The following INVS variants were observed in gnomAD, a reference collection of about 807,000 sequenced individuals.
INVS encodes inversion of embryo turning homolog.
INVS carries 86 observed loss-of-function variants against 108.8 expected under a neutral mutation model. The ratio of observed to expected loss-of-function variants is 0.79; its 90% CI spans 0.66 to 0.95. The LOEUF (loss-of-function observed/expected upper bound fraction) is 0.95, where lower values mean the gene tolerates loss of function less well. Among genes scored for constraint, INVS ranks in the 40% least tolerant of loss-of-function variants. The pLI is 0.00. For synonymous variants in INVS, 455 were observed against 473.5 expected, an observed-to-expected ratio of 0.96 and a Z score of 0.51; for missense variants, 1,169 against 1,297.4, an observed-to-expected ratio of 0.90 and a Z score of 1.52.
intron 3 of INVS, among the ~76,000 whole-genome samples, chr9:100,186,905 G>A (rs1457520284): frequency 6.6e-6 from 1 of 151,768 alleles, no homozygotes; most frequent in Non-Finnish European, 1.5e-5. Context: ...AATTTGCTTT[G>A]GGGGGTCTTA....
At chr9:100,267,745 G>A (rs1832836426) in intron 11 of INVS, among the ~76,000 whole-genome samples, 1 of 152,148 alleles carries the variant, frequency 6.6e-6, no homozygotes, top group African/African-American at 2.4e-5. Context: ...TGTGTTTTAT[G>A]ATCACACTTG....
At chr9:100,203,364 G>A (rs1380580170) in intron 3 of INVS, among the ~76,000 whole-genome samples, 1 of 151,718 alleles carries the variant, frequency 6.6e-6, no homozygotes, top group Non-Finnish European at 1.5e-5. Flanking sequence ...CTTTGTCTTT[G>A]TGAACATTTT....
At chr9:100,183,195 A>G (rs1453895281) in intron 3 of INVS, among the ~76,000 whole-genome samples, 1 of 152,134 alleles carries the variant, frequency 6.6e-6, no homozygotes, top group Non-Finnish European at 1.5e-5. Context: ...GATGGGTGCA[A>G]CAAACCACCA....
intron 8 of INVS, among the ~76,000 whole-genome samples, chr9:100,247,307 A>G (rs1178932975): frequency 1.3e-5 from 2 of 152,142 alleles, no homozygotes; most frequent in Non-Finnish European, 2.9e-5. Flanking sequence ...AAAGCTTCAA[A>G]TCAACCTTGC....
rs1355227708 is a variant in INVS at position 100,100,910 on chromosome 9, T to TA, written c.-25+1495dup. On this transcript the variant is annotated intron_variant, in intron 1 of 16. Transcript: ENST00000262457. ...ATAATATATATTATATATGTATATA[T>TA]ATTATATGTATATATATAATATATA... Among the ~76,000 whole-genome samples the TA allele has an allele frequency of 2.5e-4, 12 of 48,428 alleles. 1 individual carries two copies. Among genetic ancestry groups the TA allele is most frequent in the African/African-American group, 1.5e-3 (11 of 7,362 alleles). 31.8% of individuals were successfully genotyped at this position (48,428 alleles called of 152,430 possible).
chr9:100,189,773 T>C (rs892848218), intron 3 of INVS, among the ~76,000 whole-genome samples: 10 of 152,120 alleles, frequency 6.6e-5, no homozygotes, highest in Admixed American at 6.5e-4. Context: ...TTTTTTTTAA[T>C]AGACGGGGGT....
In INVS at chr9:100,229,837, A is replaced by G. The variant is rs752995282; in HGVS notation, c.615+10A>G. The G allele has an allele frequency of 3.7e-6, 6 of 1,613,672 alleles. No homozygotes were observed. In the Admixed American group the frequency reaches 5.0e-5, roughly 13 times the overall value. On this transcript the variant is annotated intron_variant, in intron 5 of 16. Coordinates refer to ENST00000262457, the MANE Select transcript of INVS (RefSeq NM_014425.5). ...AGTGAGATGCATTCTGGTGAGTTGA[A>G]TGGTACTGCTAGACCTGAATGGCCT...
chr9:100,220,821 A>ACCTGATTT, intron 3 of INVS, among the ~76,000 whole-genome samples: 1 of 152,190 alleles, frequency 6.6e-6, no homozygotes, highest in African/African-American at 2.4e-5. Flanking sequence ...ACATGGTGAA[A>ACCTGATTT]CCTGATTTAC....
chr9:100,208,345 T>C (rs892424392), intron 3 of INVS, among the ~76,000 whole-genome samples: 3 of 152,238 alleles, frequency 2.0e-5, no homozygotes, highest in African/African-American at 7.2e-5. Context: ...TTACTAGTTA[T>C]GGTCAGCATT....
intron 2 of INVS, among the ~76,000 whole-genome samples, chr9:100,117,878 T>G (rs763603814): frequency 6.6e-6 from 1 of 151,916 alleles, no homozygotes; most frequent in South Asian, 2.1e-4. Flanking sequence ...ATTAACACCC[T>G]TATAAAAGGA....
intron 3 of INVS, among the ~76,000 whole-genome samples, chr9:100,194,041 T>C (rs1830303046): frequency 1.3e-5 from 2 of 152,218 alleles, no homozygotes; most frequent in African/African-American, 4.8e-5. Context: ...GTAAGAACAT[T>C]CATCTGTAAG....
Position 100,264,893 on chromosome 9 carries a change from T to C in INVS, c.1536T>C (p.Ala512=). 1.2e-6 allele frequency: 2 copies of C among 1,613,654 alleles called. No homozygotes were observed. Among genetic ancestry groups the C allele is most frequent in the Non-Finnish European group, 1.7e-6 (2 of 1,179,638 alleles). Reference sequence around the variant, plus strand: ...CCATTAAATTACTGCTAGACTTTGCTGCTTTCCCTAATCAGATGGAAAACA... The same window carrying C: ...CCATTAAATTACTGCTAGACTTTGCCGCTTTCCCTAATCAGATGGAAAACA... ...LDAIKLLLDF[A]AFPNQMENNE... The change falls in exon 11 of 17, where the codon GCT becomes GCC. Residue 512 remains alanine, a synonymous_variant. Coordinates refer to ENST00000262457, the MANE Select transcript of INVS (RefSeq NM_014425.5).
At chr9:100,231,763 T>A (rs1220674184) in intron 5 of INVS, among the ~76,000 whole-genome samples, 2 of 152,208 alleles carry the variant, frequency 1.3e-5, no homozygotes, top group Non-Finnish European at 2.9e-5. Context: ...TTGATGGGCA[T>A]TTGGGTTGGT....
At chr9:100,163,649 C>T (rs1030684597) in intron 3 of INVS, among the ~76,000 whole-genome samples, 1 of 151,590 alleles carries the variant, frequency 6.6e-6, no homozygotes, top group African/African-American at 2.4e-5. Flanking sequence ...TAGGGATTTG[C>T]AAATATAAAT....
At chr9:100,138,196 A>G (rs1828294008) in intron 3 of INVS, among the ~76,000 whole-genome samples, 1 of 152,188 alleles carries the variant, frequency 6.6e-6, no homozygotes, top group Non-Finnish European at 1.5e-5. Context: ...ACCTGAGGTG[A>G]GGAGTTCGAG....
chr9:100,136,337 C>T (rs1828224369), intron 3 of INVS, among the ~76,000 whole-genome samples: 1 of 152,104 alleles, frequency 6.6e-6, no homozygotes, highest in African/African-American at 2.4e-5. Context: ...CACCCACTTT[C>T]AATAAATATT....
At chr9:100,196,642 A>T (rs1032547829) in intron 3 of INVS, among the ~76,000 whole-genome samples, 4 of 150,508 alleles carry the variant, frequency 2.7e-5, no homozygotes, top group African/African-American at 9.7e-5. Context: ...TTATGCTGGA[A>T]TCTTAGGTCA....
intron 1 of INVS, among the ~76,000 whole-genome samples, chr9:100,101,017 T>TA (rs1491290521): frequency 1.2e-4 from 12 of 98,498 alleles, no homozygotes; most frequent in African/African-American, 2.4e-4. Flanking sequence ...ATATTATATG[T>TA]ATATATATTA....
At position 100,263,050 on chromosome 9, in the gene INVS, T is replaced by C. The variant is rs1408683897; in HGVS notation, c.1465-1772T>C. 2.0e-5 allele frequency among the ~76,000 whole-genome samples: 3 copies of C among 152,280 alleles called. No individual in the cohort carries two copies. The East Asian group carries it at 5.8e-4, about 29-fold the overall frequency. The stretch of plus-strand genomic sequence containing the variant: ...CAGGCATGAGCCACTGCAACTGGCC[T>C]GTATTTTGAGTTTGTTTACTATTTC... On this transcript the variant is annotated intron_variant, in intron 10 of 16. Transcript: ENST00000262457.
Sources: allele counts gnomAD v4.1 joint callset (sites outside exome capture counted in the v4.1 genomes callset), GRCh38; gene constraint gnomAD v4.1.1; transcripts MANE v1.5; gene names NCBI Gene and HGNC (gene_info 2026-07-23, HGNC 2026-07-21).